Variants in NRXN3 observed in about 807,000 individuals in gnomAD.
NRXN3 encodes the protein neurexin 3.
A neutral mutation model predicts 137.6 loss-of-function variants in NRXN3; 32 were observed. The observed-to-expected ratio is 0.23, with a 90% CI of 0.18 to 0.31. NRXN3 has a LOEUF of 0.31. Ranked by LOEUF, NRXN3 falls within the 10% of genes least tolerant of loss-of-function variation. The pLI is 1.00. For missense variants in NRXN3, 1,574 were observed against 2,062.5 expected (o/e 0.76, Z 4.59); for synonymous variants, 798 against 784.5 (o/e 1.02, Z -0.29).
chr14:79,590,984 C>G lies in NRXN3; in HGVS notation c.3445-72794C>G, dbSNP rs140198333. On this transcript the variant is annotated intron_variant, in intron 16 of 20. Coordinates refer to ENST00000335750, the MANE Select transcript of NRXN3 (RefSeq NM_001330195.2). ...GCTCCAACAAAACCCCCTTCTTTTTCTCTCATTATAACACAAATTTCCTGT... is the reference window on the plus strand; with the variant it reads ...GCTCCAACAAAACCCCCTTCTTTTTGTCTCATTATAACACAAATTTCCTGT... Among the ~76,000 whole-genome samples, 367 of 152,282 alleles carry G rather than the reference C, an allele frequency of 2.4e-3. 6 individuals are homozygous for G. In the East Asian group the frequency reaches 0.037, roughly 16 times the overall value.
At chr14:78,845,993 T>C (rs992017380) in intron 10 of NRXN3, among the ~76,000 whole-genome samples, 2 of 151,892 alleles carry the variant, frequency 1.3e-5, no homozygotes, top group Non-Finnish European at 2.9e-5. Context: ...AGAGATCTTC[T>C]GAGTTTCCAA....
At chr14:78,257,240 C>G (rs2069794361) in intron 2 of NRXN3, among the ~76,000 whole-genome samples, 6 of 152,184 alleles carry the variant, frequency 3.9e-5, no homozygotes, top group Admixed American at 3.9e-4. Flanking sequence ...CAAAGCAATC[C>G]TTGAAGTATA....
intron 1 of NRXN3, among the ~76,000 whole-genome samples, chr14:78,198,580 G>A (rs2061422314): frequency 6.6e-6 from 1 of 152,234 alleles, no homozygotes; most frequent in South Asian, 2.1e-4. Context: ...AAAGGAAAGA[G>A]AAAAGAGGGT....
chr14:78,746,142 G>A (rs1203291969), intron 8 of NRXN3, among the ~76,000 whole-genome samples: 1 of 152,180 alleles, frequency 6.6e-6, no homozygotes, highest in Non-Finnish European at 1.5e-5. Context: ...GATAGGCCAT[G>A]GCTTGCTAGA....
intron 15 of NRXN3, among the ~76,000 whole-genome samples, chr14:79,457,979 T>C (rs2096278811): frequency 6.6e-6 from 1 of 152,148 alleles, no homozygotes; most frequent in Admixed American, 6.5e-5. Context: ...AATTATAAAA[T>C]GATTACTTTT....
intron 10 of NRXN3, among the ~76,000 whole-genome samples, chr14:78,886,504 TC>T (rs2099144233): frequency 6.6e-6 from 1 of 152,120 alleles, no homozygotes; most frequent in South Asian, 2.1e-4. Flanking sequence ...TATATCTCTT[TC>T]TTTTTTTCTG....
At chr14:79,349,575 CACACACACACACAG>C (rs1243195839) in intron 15 of NRXN3, among the ~76,000 whole-genome samples, 2 of 151,328 alleles carry the variant, frequency 1.3e-5, no homozygotes, top group Non-Finnish European at 2.9e-5. Flanking sequence ...CACACACACA[CACACACACACACAG>C]ACAATATTAT....
At chr14:78,929,818 C>G (rs931844546) in intron 10 of NRXN3, among the ~76,000 whole-genome samples, 5 of 152,058 alleles carry the variant, frequency 3.3e-5, no homozygotes, top group African/African-American at 1.2e-4. Context: ...AGAGAAAAGA[C>G]CATTATTTAC....
At chr14:78,886,549 AGATTCTAT>A (rs1405549192) in intron 10 of NRXN3, among the ~76,000 whole-genome samples, 2 of 152,110 alleles carry the variant, frequency 1.3e-5, no homozygotes, top group Non-Finnish European at 2.9e-5. Context: ...AATTTGAGCT[AGATTCTAT>A]GATAAGTGAT....
At chr14:79,435,593 T>TACACACACACACAC (rs35554281) in intron 15 of NRXN3, among the ~76,000 whole-genome samples, 510 of 143,906 alleles carry the variant, frequency 3.5e-3, no homozygotes, top group East Asian at 0.018. Flanking sequence ...AACACTAAGA[T>TACACACACACACAC]ACACACACAC....
intron 4 of NRXN3, among the ~76,000 whole-genome samples, chr14:78,549,751 C>T (rs989782204): frequency 2.0e-5 from 3 of 152,194 alleles, no homozygotes; most frequent in Admixed American, 1.3e-4. Flanking sequence ...TCTTGTTTCT[C>T]TACGTGAGCA....
intron 2 of NRXN3, among the ~76,000 whole-genome samples, chr14:78,268,711 T>C (rs1363083386): frequency 1.3e-5 from 2 of 152,218 alleles, no homozygotes; most frequent in African/African-American, 4.8e-5. Flanking sequence ...TTAACTTCCC[T>C]GAGCCTTAGT....
At chr14:78,573,053 G>A (rs931462266) in intron 4 of NRXN3, among the ~76,000 whole-genome samples, 8 of 152,116 alleles carry the variant, frequency 5.3e-5, no homozygotes, top group African/African-American at 7.2e-5. Context: ...AAGATCCGAT[G>A]GTATAAGGGG....
chr14:78,831,418 C>T (rs2098981418), intron 10 of NRXN3, among the ~76,000 whole-genome samples: 1 of 151,010 alleles, frequency 6.6e-6, no homozygotes, highest in Non-Finnish European at 1.5e-5. Context: ...CGCCTGTAAT[C>T]CCAGCTACTT....
intron 3 of NRXN3, among the ~76,000 whole-genome samples, chr14:78,287,993 T>TG (rs979725390): frequency 6.6e-6 from 1 of 152,084 alleles, no homozygotes; most frequent in Non-Finnish European, 1.5e-5. Context: ...CCCCTTTTTT[T>TG]TTTTGAGATG....
At chr14:78,629,935 A>G (rs980550792) in intron 4 of NRXN3, among the ~76,000 whole-genome samples, 1 of 152,262 alleles carries the variant, frequency 6.6e-6, no homozygotes, top group Non-Finnish European at 1.5e-5. Context: ...ATGATTAGAA[A>G]TTAATAGCTA....
chr14:78,705,069 A>T (rs545858828), intron 6 of NRXN3, among the ~76,000 whole-genome samples: 1 of 152,308 alleles, frequency 6.6e-6, no homozygotes, highest in South Asian at 2.1e-4. Flanking sequence ...TGGGATAGTA[A>T]GACCAGCTTG....
chr14:78,457,145 C>T (rs941748777), intron 4 of NRXN3, among the ~76,000 whole-genome samples: 17 of 150,668 alleles, frequency 1.1e-4, no homozygotes, highest in African/African-American at 3.9e-4. Context: ...TTCAAGTGAT[C>T]CTCCCACATT....
chr14:79,514,368 C>T (rs2096962384), intron 16 of NRXN3, among the ~76,000 whole-genome samples: 1 of 152,098 alleles, frequency 6.6e-6, no homozygotes, highest in Non-Finnish European at 1.5e-5. Flanking sequence ...TCTCAGTTCA[C>T]AGCAGCAAGC....
Sources: gnomAD v4.1 joint callset for allele counts (sites outside exome capture counted in the v4.1 genomes callset) on GRCh38, gnomAD v4.1.1 for gene constraint, MANE v1.5 for transcripts, NCBI Gene and HGNC (gene_info 2026-07-23, HGNC 2026-07-21) for gene names.